Variants in CDC42SE2 observed in about 807,000 individuals in gnomAD.
CDC42SE2 encodes the protein CDC42 small effector protein 2.
CDC42SE2 carries 3 observed loss-of-function variants against 11.5 expected under a neutral mutation model. The ratio of observed to expected loss-of-function variants is 0.26; its 90% confidence interval spans 0.12 to 0.67. CDC42SE2 has a LOEUF of 0.67. Among genes scored for constraint, CDC42SE2 ranks in the 30% least tolerant of loss-of-function variants. The pLI is 0.80. For synonymous variants in CDC42SE2, 33 were observed against 34.8 expected (o/e 0.95, Z 0.18); for missense variants, 82 against 106.8 (o/e 0.77, Z 1.02).
At chr5:131,322,763 G>T (rs2149735173) in intron 2 of CDC42SE2, among the ~76,000 whole-genome samples, 1 of 152,244 alleles carries the variant, frequency 6.6e-6, no homozygotes, top group South Asian at 2.1e-4. Context: ...ATGAATGTGG[G>T]TGGGCAAATA....
At chr5:131,300,347 A>G (rs992219434) in intron 1 of CDC42SE2, among the ~76,000 whole-genome samples, 1 of 152,186 alleles carries the variant, frequency 6.6e-6, no homozygotes, top group African/African-American at 2.4e-5. Flanking sequence ...TGGATAAGAA[A>G]GAGAAAATGT....
intron 2 of CDC42SE2, among the ~76,000 whole-genome samples, chr5:131,317,470 A>G (rs192112873): frequency 6.6e-6 from 1 of 152,280 alleles, no homozygotes; most frequent in African/African-American, 2.4e-5. Flanking sequence ...ATTCACAGAA[A>G]GATTCCCTAA....
intron 1 of CDC42SE2, among the ~76,000 whole-genome samples, chr5:131,273,767 C>CAAA (rs768842175): frequency 1.0e-5 from 1 of 100,466 alleles, no homozygotes; most frequent in Admixed American, 1.1e-4. Context: ...GACTCCGTCT[C>CAAA]AAAAAAAAAA....
intron 1 of CDC42SE2, among the ~76,000 whole-genome samples, chr5:131,310,230 G>C (rs1032269514): frequency 6.6e-6 from 1 of 151,924 alleles, no homozygotes; most frequent in African/African-American, 2.4e-5. Flanking sequence ...GGAGCAGGTT[G>C]TTCAGTTTCC....
intron 2 of CDC42SE2, among the ~76,000 whole-genome samples, chr5:131,332,265 G>T (rs548732785): frequency 1.3e-5 from 2 of 152,246 alleles, no homozygotes; most frequent in South Asian, 4.1e-4. Flanking sequence ...ATGGTTTCCA[G>T]CTTCATCCAT....
chr5:131,227,373 G>A, the CDC42SE2 span, among the ~76,000 whole-genome samples: 2 of 152,164 alleles, frequency 1.3e-5, no homozygotes, highest in South Asian at 2.1e-4. Context: ...AGTGGCTCAC[G>A]CCTGTAATCT....
chr5:131,353,848 G>T (rs1162255477), intron 2 of CDC42SE2, among the ~76,000 whole-genome samples: 2 of 151,940 alleles, frequency 1.3e-5, no homozygotes, highest in Non-Finnish European at 2.9e-5. Context: ...GGAGGCTGAA[G>T]TTGCAGTGAG....
intron 1 of CDC42SE2, among the ~76,000 whole-genome samples, chr5:131,314,233 CTTT>C (rs1186826623): frequency 4.4e-5 from 6 of 137,098 alleles, no homozygotes; most frequent in Admixed American, 7.3e-5. Flanking sequence ...AATGATTGTC[CTTT>C]TTTTTTTTTT....
At chr5:131,224,689 G>C in the CDC42SE2 span, among the ~76,000 whole-genome samples, 2 of 152,078 alleles carry the variant, frequency 1.3e-5, no homozygotes. Context: ...TCATTCATCT[G>C]TTCAAAGTCC....
At position 131,359,405 on chromosome 5, in the gene CDC42SE2, A is replaced by T; in HGVS notation, c.-89A>T. ...TAAAATTTCATCTTGGCATCACTGG[A>T]CATCATCGTATTGAGGAGCGTATTT... On this transcript the variant is annotated 5_prime_UTR_variant, in exon 3 of 5. Coordinates refer to ENST00000505065, the MANE Select transcript of CDC42SE2 (RefSeq NM_001375635.1). 3 of 897,512 alleles carry T rather than the reference A, an allele frequency of 3.3e-6. No homozygotes were observed. The Admixed American group carries it at 5.1e-5, about 15-fold the overall frequency. The allele number at this position is 897,512 out of a possible 1,614,324, so 55.6% of individuals were successfully genotyped here.
chr5:131,241,338 T>C (rs1241054106), upstream of CDC42SE2, among the ~76,000 whole-genome samples: 1 of 152,182 alleles, frequency 6.6e-6, no homozygotes, highest in Non-Finnish European at 1.5e-5. Flanking sequence ...GTCATAATAA[T>C]TTATTAAACA....
chr5:131,370,464 C>T (rs767724721), intron 3 of CDC42SE2, among the ~76,000 whole-genome samples: 14 of 151,442 alleles, frequency 9.2e-5, no homozygotes, highest in Non-Finnish European at 2.1e-4. Context: ...AGTGTGAATA[C>T]TGAAACATTT....
At chr5:131,280,851 G>GAT (rs1757223523) in intron 1 of CDC42SE2, among the ~76,000 whole-genome samples, 1 of 152,106 alleles carries the variant, frequency 6.6e-6, no homozygotes, top group South Asian at 2.1e-4. Context: ...AATTTTATTA[G>GAT]ATATTGCTAC....
chr5:131,318,622 G>T (rs948296219), intron 2 of CDC42SE2, among the ~76,000 whole-genome samples: 8 of 152,210 alleles, frequency 5.3e-5, no homozygotes, highest in African/African-American at 1.9e-4. Context: ...GAAAAGCCAT[G>T]CCCTAGTTAC....
chr5:131,271,298 C>G (rs935990255), intron 1 of CDC42SE2, among the ~76,000 whole-genome samples: 2 of 152,168 alleles, frequency 1.3e-5, no homozygotes, highest in African/African-American at 4.8e-5. Context: ...AGCATCCTGT[C>G]TTTCCAACTC....
chr5:131,338,211 G>T (rs922521576), intron 2 of CDC42SE2, among the ~76,000 whole-genome samples: 1 of 152,208 alleles, frequency 6.6e-6, no homozygotes, highest in Admixed American at 6.5e-5. Flanking sequence ...GTACTGGCCA[G>T]TAGGCACCTC....
intron 1 of CDC42SE2, among the ~76,000 whole-genome samples, chr5:131,267,849 G>GT (rs1234443379): frequency 6.6e-6 from 1 of 151,780 alleles, no homozygotes; most frequent in Non-Finnish European, 1.5e-5. Context: ...GTTTGTTAAG[G>GT]TTTTATAAGA....
chr5:131,385,433 G>A, intron 3 of CDC42SE2, 110 bp from the exon 4 acceptor site: 1 of 653,974 alleles, frequency 1.5e-6, no homozygotes, highest in Non-Finnish European at 2.7e-6. Flanking sequence ...CTAAGAGCTA[G>A]GCATTTTTGT....
At chr5:131,376,548 T>TA (rs923299139) in intron 3 of CDC42SE2, among the ~76,000 whole-genome samples, 2 of 152,214 alleles carry the variant, frequency 1.3e-5, no homozygotes, top group Non-Finnish European at 2.9e-5. Flanking sequence ...GTTTATTATA[T>TA]AGGTAAACTG....
Sources: gnomAD v4.1 joint callset for allele counts (sites outside exome capture counted in the v4.1 genomes callset) on GRCh38, gnomAD v4.1.1 for gene constraint, MANE v1.5 for transcripts, NCBI Gene and HGNC (gene_info 2026-07-23, HGNC 2026-07-21) for gene names.